Variants in PRKN observed in about 807,000 individuals in gnomAD.
PRKN encodes the protein parkin RBR E3 ubiquitin protein ligase, also known as E3 ubiquitin-protein ligase parkin.
PRKN carries 56 observed loss-of-function variants against 59.5 expected under a neutral mutation model. That is an observed-to-expected ratio of 0.94 (90% CI 0.76 to 1.18). PRKN has a LOEUF of 1.18. Ranked by LOEUF, PRKN falls within the 50% of genes most tolerant of loss-of-function variation. The pLI, the probability that PRKN is intolerant of heterozygous loss-of-function variation, is 0.00. For missense variants in PRKN, 657 were observed against 596.4 expected (o/e 1.10, Z -1.06); for synonymous variants, 250 against 222.1 (o/e 1.13, Z -1.12).
chr6:161,548,672 TA>T lies in PRKN; in HGVS notation c.1083+181del, dbSNP rs1202073739. ...ATATAACTGTTTTCACCAAAATAAA[TA>T]CATAAATTTTCAAATCTGGAGTCCT... On this transcript the variant is annotated intron_variant, in intron 9 of 11. Transcript: ENST00000366898. This position sits in a 1 kb window ranked among gnomAD's most constrained non-coding sequence, Gnocchi z 4.2. 3.2e-6 allele frequency: 2 copies of T among 623,072 alleles called. No individual in the cohort carries two copies. Among genetic ancestry groups the T allele is most frequent in the Non-Finnish European group, 5.6e-6 (2 of 355,204 alleles). 38.6% of individuals were successfully genotyped at this position (623,072 alleles called of 1,614,324 possible).
intron 3 of PRKN, among the ~76,000 whole-genome samples, chr6:162,230,226 T>C (rs1333310997): frequency 6.6e-6 from 1 of 152,256 alleles, no homozygotes; most frequent in Non-Finnish European, 1.5e-5. Flanking sequence ...TATTGGCCTA[T>C]ATGGAGCCAG....
intron 7 of PRKN, among the ~76,000 whole-genome samples, chr6:161,615,973 A>C (rs557422134): frequency 1.3e-5 from 2 of 152,264 alleles, no homozygotes; most frequent in South Asian, 4.1e-4. Context: ...CAATAGCCTG[A>C]ATGGTAACAC....
At chr6:162,525,721 T>G (rs1041909668) in intron 1 of PRKN, among the ~76,000 whole-genome samples, 1 of 152,182 alleles carries the variant, frequency 6.6e-6, no homozygotes, top group African/African-American at 2.4e-5. Context: ...TGGCATGTAG[T>G]AATGCTTAAA....
At chr6:161,522,475 C>A (rs1294619717) in intron 9 of PRKN, among the ~76,000 whole-genome samples, 1 of 152,194 alleles carries the variant, frequency 6.6e-6, no homozygotes, top group East Asian at 1.9e-4. Context: ...GCTTTCCTGG[C>A]GGGACATTTG....
At chr6:161,737,215 C>A (rs1787999724) in intron 7 of PRKN, among the ~76,000 whole-genome samples, 1 of 152,172 alleles carries the variant, frequency 6.6e-6, no homozygotes, top group Non-Finnish European at 1.5e-5. Context: ...AGTCATCTGG[C>A]CTTCACCAGG....
At chr6:162,413,559 A>G (rs1788457403) in intron 2 of PRKN, among the ~76,000 whole-genome samples, 1 of 152,202 alleles carries the variant, frequency 6.6e-6, no homozygotes, top group East Asian at 1.9e-4. Context: ...CATTATCTGT[A>G]TTTTCACTTT....
At chr6:161,778,571 G>T (rs78211676) in intron 7 of PRKN, among the ~76,000 whole-genome samples, 8,771 of 152,204 alleles carry the variant, frequency 0.058, 802 homozygotes, top group African/African-American at 0.2. Flanking sequence ...TGGGATGGTG[G>T]AGAGGTTAAT....
At chr6:161,760,607 C>T (rs982822767) in intron 7 of PRKN, among the ~76,000 whole-genome samples, 1 of 151,988 alleles carries the variant, frequency 6.6e-6, no homozygotes, top group African/African-American at 2.4e-5. Flanking sequence ...CTGTTTCCCC[C>T]TTTTCTTCCT....
At position 161,552,338 on chromosome 6, in the gene PRKN, G is replaced by A. The variant is rs1780053082; in HGVS notation, c.934-3335C>T. 7.1e-6 allele frequency among the ~76,000 whole-genome samples: 1 copy of A among 140,472 alleles called. No homozygotes were observed. The highest frequency in any genetic ancestry group is 1.5e-5 in the Non-Finnish European group (1 of 66,090). 92.2% of individuals were successfully genotyped at this position (140,472 alleles called of 152,430 possible). A position where few individuals can be genotyped will look rare whatever the true frequency, so the allele number is the denominator to read the frequency against. ...GCTCTGTTCACCTCCGCCTATGACT[G>A]TGAATGATCTCACGGTGATCCTCCA... On this transcript the variant is annotated intron_variant, in intron 8 of 11. Transcript: ENST00000366898. This position sits in a 1 kb window ranked among gnomAD's most constrained non-coding sequence, Gnocchi z 4.9.
intron 6 of PRKN, among the ~76,000 whole-genome samples, chr6:161,941,398 A>C (rs1779561500): frequency 6.6e-6 from 1 of 152,190 alleles, no homozygotes; most frequent in African/African-American, 2.4e-5. Flanking sequence ...CAGTTGGAGG[A>C]GATCCCAGGC....
intron 4 of PRKN, among the ~76,000 whole-genome samples, chr6:162,060,677 C>T (rs1778065327): frequency 6.6e-6 from 1 of 152,178 alleles, no homozygotes; most frequent in Non-Finnish European, 1.5e-5. Context: ...AACAAAATAA[C>T]TATTTTTCTT....
chr6:161,433,736 G>A (rs1242561448), intron 9 of PRKN, among the ~76,000 whole-genome samples: 1 of 151,952 alleles, frequency 6.6e-6, no homozygotes, highest in Non-Finnish European at 1.5e-5. Flanking sequence ...TCAGTATTAG[G>A]CTGAGCACTG....
chr6:162,137,713 C>T (rs1018742957), intron 4 of PRKN, among the ~76,000 whole-genome samples: 1 of 152,076 alleles, frequency 6.6e-6, no homozygotes, highest in South Asian at 2.1e-4. Flanking sequence ...CTGAACTTGC[C>T]CTTTCATAAT....
At chr6:162,363,879 A>G (rs1755732314) in intron 2 of PRKN, among the ~76,000 whole-genome samples, 1 of 152,144 alleles carries the variant, frequency 6.6e-6, no homozygotes. Context: ...ACCTAAAGAG[A>G]TAAGGCAAGG....
chr6:162,619,034 TATA>T (rs149428282), intron 1 of PRKN, among the ~76,000 whole-genome samples: 4 of 152,308 alleles, frequency 2.6e-5, no homozygotes, highest in East Asian at 1.9e-4. Context: ...CATAAATGAC[TATA>T]ATAACTTTAC....
chr6:162,523,819 C>T (rs1032215572), intron 1 of PRKN, among the ~76,000 whole-genome samples: 2 of 151,934 alleles, frequency 1.3e-5, no homozygotes, highest in Admixed American at 6.6e-5. Flanking sequence ...GAGTTCAAGA[C>T]CAGCCTGGGC....
In PRKN at chr6:162,134,716, G is replaced by T. The variant is rs147250200; in HGVS notation, c.534+66415C>A. Among the ~76,000 whole-genome samples the T allele has an allele frequency of 1.4e-3, 219 of 152,274 alleles. 2 individuals are homozygous for T. Among genetic ancestry groups the T allele is most frequent in the Non-Finnish European group, 2.4e-3 (165 of 68,018 alleles). ...GATCAAAGCCATAGGTGAAAAGAAA[G>T]GTTGACAGCAGCATGGAGAATTGAT... is the stretch of plus-strand genomic sequence containing the variant. On this transcript the variant is annotated intron_variant, in intron 4 of 11. Coordinates refer to ENST00000366898, the MANE Select transcript of PRKN (RefSeq NM_004562.3).
chr6:162,608,568 T>G (rs899765427), intron 1 of PRKN, among the ~76,000 whole-genome samples: 3 of 152,096 alleles, frequency 2.0e-5, no homozygotes, highest in Non-Finnish European at 4.4e-5. Flanking sequence ...AATGATCATG[T>G]TTTGCAAAAG....
In PRKN at chr6:161,592,848, G is replaced by A. The variant is rs138218520; in HGVS notation, c.872-23432C>T. ...CTGGCGGGAGAGGCAGGAGGTCACC[G>A]CAGGACCTGAAGGAAATGACTCCTG... On this transcript the variant is annotated intron_variant, in intron 7 of 11. Coordinates refer to ENST00000366898, the MANE Select transcript of PRKN (RefSeq NM_004562.3). The surrounding 1 kb of genome is among the most constrained non-coding windows in gnomAD (Gnocchi z 4.8). 3.5e-3 allele frequency among the ~76,000 whole-genome samples: 527 copies of A among 152,252 alleles called. 4 individuals carry two copies. Among genetic ancestry groups the A allele is most frequent in the Non-Finnish European group, 5.4e-3 (367 of 68,020 alleles).
Sources: allele counts gnomAD v4.1 joint callset (sites outside exome capture counted in the v4.1 genomes callset), GRCh38; gene constraint gnomAD v4.1.1; non-coding constraint Gnocchi (gnomAD v3.1); transcripts MANE v1.5; gene names NCBI Gene and HGNC (gene_info 2026-07-23, HGNC 2026-07-21).